Variants in ANKFN1 observed in about 807,000 individuals in gnomAD.
ANKFN1 encodes ankyrin repeat and fibronectin type-III domain-containing protein 1.
Under a neutral mutation model 108.7 loss-of-function variants are expected in ANKFN1, and 74 were observed. The observed-to-expected ratio is 0.68, with a 90% CI of 0.56 to 0.83. The LOEUF is 0.83. ANKFN1 is among the 40% of genes least tolerant of loss of function. ANKFN1 has a pLI of 0.00. For missense variants in ANKFN1, 1,505 were observed against 1,382.3 expected, an observed-to-expected ratio of 1.09 and a Z score of -1.41; for synonymous variants, 547 against 516.2, an observed-to-expected ratio of 1.06 and a Z score of -0.81.
At chr17:56,076,101 C>T (rs529049191) in intron 4 of ANKFN1, among the ~76,000 whole-genome samples, 2 of 152,142 alleles carry the variant, frequency 1.3e-5, no homozygotes, top group Non-Finnish European at 2.9e-5. Context: ...TCAGTCTGAA[C>T]TTCTGTAAGG....
intron 1 of ANKFN1, among the ~76,000 whole-genome samples, chr17:56,192,648 A>G (rs1673823711): frequency 4.6e-5 from 2 of 43,320 alleles, no homozygotes; most frequent in Non-Finnish European, 4.5e-5. Flanking sequence ...AACACATGAA[A>G]AAATGCTCAT....
chr17:56,375,783 G>C (rs961661161), intron 8 of ANKFN1, among the ~76,000 whole-genome samples: 1 of 152,140 alleles, frequency 6.6e-6, no homozygotes, highest in African/African-American at 2.4e-5. Context: ...ACGTAGCACC[G>C]ACTATGCACC....
At chr17:56,371,084 G>T (rs1245095905) in intron 6 of ANKFN1, among the ~76,000 whole-genome samples, 2 of 151,942 alleles carry the variant, frequency 1.3e-5, no homozygotes, top group African/African-American at 2.4e-5. Context: ...CTCAGTGAAA[G>T]AGTTTTTTAG....
At chr17:56,227,836 G>T in intron 2 of ANKFN1, 81 bp from the exon 3 acceptor site, 1 of 1,086,552 alleles carries the variant, frequency 9.2e-7, no homozygotes. Flanking sequence ...TCAATCAGTG[G>T]CTTCAAACGT....
chr17:56,441,635 T>TG (rs112673274), intron 9 of ANKFN1, among the ~76,000 whole-genome samples: 2,712 of 152,272 alleles, frequency 0.018, 53 homozygotes, highest in East Asian at 0.094. Context: ...AAAAGTGATA[T>TG]GTGATAAAAA....
chr17:56,221,533 TA>T (rs1157564877), intron 2 of ANKFN1, among the ~76,000 whole-genome samples: 13 of 152,338 alleles, frequency 8.5e-5, no homozygotes, highest in Non-Finnish European at 1.8e-4. Context: ...GATAGCCAGA[TA>T]TAAGTGTATA....
At chr17:56,187,760 G>T (rs984590538) in intron 1 of ANKFN1, among the ~76,000 whole-genome samples, 8 of 152,228 alleles carry the variant, frequency 5.3e-5, no homozygotes, top group Non-Finnish European at 1.0e-4. Context: ...CCATAAAAAA[G>T]GATGAGTTCA....
chr17:56,165,791 A>C (rs2143531173), intron 1 of ANKFN1, among the ~76,000 whole-genome samples: 1 of 152,270 alleles, frequency 6.6e-6, no homozygotes, highest in Non-Finnish European at 1.5e-5. Context: ...CACTTTCCAG[A>C]ACAGGGATCT....
intron 8 of ANKFN1, among the ~76,000 whole-genome samples, chr17:56,415,152 G>A (rs2048205757): frequency 6.6e-6 from 1 of 152,180 alleles, no homozygotes; most frequent in Non-Finnish European, 1.5e-5. Flanking sequence ...CTAAGATCTG[G>A]AACATGACAA....
At chr17:56,398,534 A>G (rs2047655327) in intron 8 of ANKFN1, among the ~76,000 whole-genome samples, 1 of 152,162 alleles carries the variant, frequency 6.6e-6, no homozygotes. Context: ...GCATTCCATA[A>G]TTTCATTATT....
chr17:56,462,454 C>T (rs534492335), intron 14 of ANKFN1, among the ~76,000 whole-genome samples: 2 of 152,014 alleles, frequency 1.3e-5, no homozygotes, highest in African/African-American at 2.4e-5. Context: ...ATTAGCTGGG[C>T]GTGGTGGCGC....
chr17:56,386,222 C>CA (rs2047263013), intron 8 of ANKFN1, among the ~76,000 whole-genome samples: 1 of 148,392 alleles, frequency 6.7e-6, no homozygotes, highest in South Asian at 2.1e-4. Context: ...ATCGCAAGGA[C>CA]AAAAAACCAA....
At chr17:56,400,060 CTT>C (rs1386726935) in intron 8 of ANKFN1, among the ~76,000 whole-genome samples, 1 of 151,640 alleles carries the variant, frequency 6.6e-6, no homozygotes, top group East Asian at 1.9e-4. Flanking sequence ...GTGCAAGTAT[CTT>C]TTTTGAATAA....
chr17:56,318,690 G>A (rs1157847720), intron 3 of ANKFN1, among the ~76,000 whole-genome samples: 2 of 152,042 alleles, frequency 1.3e-5, no homozygotes, highest in Non-Finnish European at 2.9e-5. Context: ...CTGTCTTCAG[G>A]GCCACCTTCC....
At chr17:56,324,336 C>G (rs138046966) in intron 3 of ANKFN1, among the ~76,000 whole-genome samples, 1 of 152,274 alleles carries the variant, frequency 6.6e-6, no homozygotes, top group Non-Finnish European at 1.5e-5. Context: ...GAAGAGTAGA[C>G]TAATGAATAC....
At chr17:56,319,273 A>G (rs1676959091) in intron 3 of ANKFN1, among the ~76,000 whole-genome samples, 1 of 152,218 alleles carries the variant, frequency 6.6e-6, no homozygotes, top group Non-Finnish European at 1.5e-5. Context: ...TAGGGTTTTG[A>G]AAAAGCTGAA....
At chr17:56,273,035 G>T (rs1471928842) in intron 3 of ANKFN1, among the ~76,000 whole-genome samples, 1 of 152,164 alleles carries the variant, frequency 6.6e-6, no homozygotes, top group Non-Finnish European at 1.5e-5. Flanking sequence ...AACACCCTAA[G>T]ACATCAATTT....
chr17:56,366,925 A>G (rs1011637692), intron 6 of ANKFN1, among the ~76,000 whole-genome samples: 1 of 152,238 alleles, frequency 6.6e-6, no homozygotes, highest in Non-Finnish European at 1.5e-5. Context: ...TCGGAGTTGT[A>G]TGAAAATGGA....
intron 4 of ANKFN1, among the ~76,000 whole-genome samples, chr17:56,334,543 T>A (rs746713085): frequency 9.2e-5 from 14 of 152,116 alleles, no homozygotes; most frequent in Non-Finnish European, 1.9e-4. Context: ...GAACACCTAT[T>A]TTTTCAAGCA....
Sources: gnomAD v4.1 joint callset for allele counts (sites outside exome capture counted in the v4.1 genomes callset) on GRCh38, gnomAD v4.1.1 for gene constraint, MANE v1.5 for transcripts, NCBI Gene and HGNC (gene_info 2026-07-23, HGNC 2026-07-21) for gene names.